Variants in TOX2 observed in about 807,000 individuals in gnomAD.
TOX2 encodes the protein granulosa cell HMG box 1.
In TOX2, 15 loss-of-function variants were observed where a neutral mutation model predicts 47.4. The ratio of observed to expected loss-of-function variants is 0.32; its 90% confidence interval spans 0.21 to 0.49. The LOEUF (loss-of-function observed/expected upper bound fraction) is 0.49. Ranked by LOEUF, TOX2 falls within the 20% of genes least tolerant of loss-of-function variation. The probability of loss-of-function intolerance (pLI) is 0.99; values close to 1 mark genes in which losing one functional copy is unlikely to be tolerated. For missense variants in TOX2, 622 were observed against 673.1 expected, an observed-to-expected ratio of 0.92 and a Z score of 0.84; for synonymous variants, 290 against 296.6, an observed-to-expected ratio of 0.98 and a Z score of 0.23.
rs73275217 is a variant in TOX2 at position 44,036,561 on chromosome 20, C to T, written c.412-14745C>T. Among the ~76,000 whole-genome samples the T allele has an allele frequency of 4.2e-3, 633 of 152,370 alleles. 3 individuals carry two copies. The highest frequency in any genetic ancestry group is 0.014 in the African/African-American group (597 of 41,590). On this transcript the variant is annotated intron_variant, in intron 3 of 8. Coordinates refer to ENST00000341197, the MANE Select transcript of TOX2 (RefSeq NM_001098797.2). ...ATGCTACCTGCCACATAAAGGATAA[C>T]ATTTCTACCATCGCTTCTACTTACC...
chr20:43,936,496 C>T (rs1476872689), intron 1 of TOX2, among the ~76,000 whole-genome samples: 2 of 152,200 alleles, frequency 1.3e-5, no homozygotes, highest in Non-Finnish European at 2.9e-5. Flanking sequence ...ACAGGCTCTC[C>T]CTCCCTGCAT....
intron 2 of TOX2, among the ~76,000 whole-genome samples, chr20:43,997,242 A>G (rs959706194): frequency 2.6e-5 from 4 of 152,336 alleles, no homozygotes; most frequent in Admixed American, 2.6e-4. Flanking sequence ...TAATAAAAGG[A>G]ACACTTCAAC....
intron 4 of TOX2, among the ~76,000 whole-genome samples, chr20:44,053,522 C>CAT (rs757664844): frequency 0.011 from 1,561 of 144,192 alleles, 33 homozygotes; most frequent in African/African-American, 0.035. Context: ...TATATATACA[C>CAT]ATATATATAC....
chr20:44,058,225 T>C (rs571558156), intron 5 of TOX2, among the ~76,000 whole-genome samples: 2 of 152,208 alleles, frequency 1.3e-5, no homozygotes, highest in South Asian at 4.1e-4. Context: ...GGGCAAGTTC[T>C]CAGCCCTGTT....
chr20:43,947,454 G>A (rs190430103), intron 1 of TOX2, among the ~76,000 whole-genome samples: 7 of 152,312 alleles, frequency 4.6e-5, no homozygotes, highest in East Asian at 1.9e-4. Flanking sequence ...CTAGGATGTC[G>A]GCTCAGCTCA....
chr20:43,946,021 G>C, intron 1 of TOX2: 1 of 1,614,092 alleles, frequency 6.2e-7, no homozygotes, highest in Non-Finnish European at 8.5e-7. Context: ...GTGCATTGCA[G>C]GTGTGTTTCC....
At chr20:44,049,289 C>G (rs1168666393) in intron 3 of TOX2, among the ~76,000 whole-genome samples, 1 of 152,208 alleles carries the variant, frequency 6.6e-6, no homozygotes, top group East Asian at 1.9e-4. Flanking sequence ...CTGTATTCAT[C>G]TGCAAACATA....
At chr20:43,981,228 T>C (rs565117689) in intron 2 of TOX2, among the ~76,000 whole-genome samples, 2 of 152,186 alleles carry the variant, frequency 1.3e-5, no homozygotes, top group Non-Finnish European at 2.9e-5. Context: ...GCAGGGTAAA[T>C]GGACAACATC....
At chr20:43,929,149 C>A (rs1316603958) in intron 1 of TOX2, among the ~76,000 whole-genome samples, 1 of 152,028 alleles carries the variant, frequency 6.6e-6, no homozygotes, top group African/African-American at 2.4e-5. Context: ...CAGAGTGAGA[C>A]CCTGTCTCAA....
At chr20:43,941,192 G>T (rs753294326) in intron 1 of TOX2, among the ~76,000 whole-genome samples, 3 of 152,144 alleles carry the variant, frequency 2.0e-5, no homozygotes, top group Non-Finnish European at 4.4e-5. Flanking sequence ...GGTTTGGGCT[G>T]TTGTGGGTTA....
chr20:44,044,169 T>G (rs2071377787), intron 3 of TOX2, among the ~76,000 whole-genome samples: 1 of 151,926 alleles, frequency 6.6e-6, no homozygotes, highest in Non-Finnish European at 1.5e-5. Flanking sequence ...TGGCAAACTA[T>G]CGCAAGAACA....
chr20:43,968,116 A>G (rs1056449445), intron 1 of TOX2, among the ~76,000 whole-genome samples: 1 of 152,134 alleles, frequency 6.6e-6, no homozygotes, highest in Non-Finnish European at 1.5e-5. Flanking sequence ...TCATCCGTCT[A>G]TCCATCACCC....
intron 1 of TOX2, among the ~76,000 whole-genome samples, chr20:43,924,116 AT>A (rs1443701776): frequency 6.6e-6 from 1 of 152,164 alleles, no homozygotes; most frequent in Non-Finnish European, 1.5e-5. Context: ...AGCCGCTGAT[AT>A]TCCTGAGGTT....
chr20:44,027,544 CCATGGGGG>C (rs1427117291), intron 3 of TOX2, among the ~76,000 whole-genome samples: 1 of 152,252 alleles, frequency 6.6e-6, no homozygotes, highest in East Asian at 1.9e-4. Context: ...CAGTTCATCC[CCATGGGGG>C]CAGCCAGTGG....
At chr20:44,036,333 T>C (rs1008404003) in intron 3 of TOX2, among the ~76,000 whole-genome samples, 1 of 152,146 alleles carries the variant, frequency 6.6e-6, no homozygotes, top group Non-Finnish European at 1.5e-5. Flanking sequence ...GGTGCAGCAA[T>C]GGGGTAGGGC....
intron 5 of TOX2, 24 bp downstream of exon 5, chr20:44,054,550 C>A: frequency 6.2e-7 from 1 of 1,604,540 alleles, no homozygotes; most frequent in South Asian, 1.1e-5. Context: ...TCTTTCTGGG[C>A]CATCCCCTGA....
At position 44,023,431 on chromosome 20, in the gene TOX2, G is replaced by GGAAAAAAAAA. The variant is rs1555841868; in HGVS notation, c.411+16639_411+16640insGAAAAAAAAA. Among the ~76,000 whole-genome samples, 5 of 119,134 alleles carry GGAAAAAAAAA rather than the reference G, an allele frequency of 4.2e-5. 1 individual carries two copies. In the East Asian group the frequency reaches 7.1e-4, roughly 17 times the overall value. 78.2% of individuals were successfully genotyped at this position (119,134 alleles called of 152,430 possible). On this transcript the variant is annotated intron_variant, in intron 3 of 8. Transcript: ENST00000341197. ...GGTGACAGAGCTAGACTTTATCTCA[G>GGAAAAAAAAA]AAAAAAAAAAAAAAAAAAAGGAGGG...
At chr20:43,958,772 G>A (rs1287486988) in intron 1 of TOX2, among the ~76,000 whole-genome samples, 1 of 152,220 alleles carries the variant, frequency 6.6e-6, no homozygotes, top group East Asian at 1.9e-4. Flanking sequence ...CAATTTGGTG[G>A]TTGTAACCCT....
At chr20:44,042,713 A>C (rs2071351732) in intron 3 of TOX2, among the ~76,000 whole-genome samples, 1 of 152,194 alleles carries the variant, frequency 6.6e-6, no homozygotes, top group Admixed American at 6.5e-5. Flanking sequence ...GACTCAAAAA[A>C]GCCATTATTA....
Sources: allele counts gnomAD v4.1 joint callset (sites outside exome capture counted in the v4.1 genomes callset), GRCh38; gene constraint gnomAD v4.1.1; transcripts MANE v1.5; gene names NCBI Gene and HGNC (gene_info 2026-07-23, HGNC 2026-07-21).